NLGN4Y: variants seen among roughly 807,000 people sequenced by gnomAD.
NLGN4Y encodes the protein neuroligin-4, Y-linked.
NLGN4Y carries 4 observed loss-of-function variants against 8.4 expected under a neutral mutation model. That is an observed-to-expected ratio of 0.48 (90% CI 0.23 to 1.09). NLGN4Y has a LOEUF of 1.09. NLGN4Y is among the 50% of genes least tolerant of loss of function. The probability of loss-of-function intolerance (pLI) is 0.19; values close to 1 mark genes in which losing one functional copy is unlikely to be tolerated. For missense variants in NLGN4Y, 90 were observed against 192.3 expected (o/e 0.47, Z 3.15); for synonymous variants, 35 against 75.6 (o/e 0.46, Z 2.78).
intron 4 of NLGN4Y, among the ~76,000 whole-genome samples, chrY:14,759,560 G>A (rs2081074345): frequency 1.2e-4 from 4 of 34,156 alleles, no homozygotes; most frequent in African/African-American, 4.6e-4. Flanking sequence ...CGCCCGCCTC[G>A]GCCTCCCAAA....
chrY:14,755,695 C>A, intron 4 of NLGN4Y, among the ~76,000 whole-genome samples: 4 of 32,611 alleles, frequency 1.2e-4, no homozygotes, highest in Non-Finnish European at 2.2e-4. Context: ...TAAAAATTAG[C>A]CAGGTGTGGT....
chrY:14,759,150 CA>C (rs2081072365), intron 4 of NLGN4Y, among the ~76,000 whole-genome samples: 2 of 33,763 alleles, frequency 5.9e-5, no homozygotes, highest in African/African-American at 2.3e-4. Flanking sequence ...TAAGTTAAAT[CA>C]GCAATATTAT....
At chrY:14,767,003 A>T in intron 4 of NLGN4Y, among the ~76,000 whole-genome samples, 1 of 33,553 alleles carries the variant, frequency 3.0e-5, no homozygotes, top group Non-Finnish European at 7.4e-5. Flanking sequence ...CAGATATTGT[A>T]CAACTATACC....
intron 2 of NLGN4Y, among the ~76,000 whole-genome samples, chrY:14,695,988 C>T (rs2080826484): frequency 3.1e-5 from 1 of 32,604 alleles, no homozygotes; most frequent in African/African-American, 1.2e-4. Context: ...GATTTCAGCT[C>T]ATAGAGGTCC....
intron 4 of NLGN4Y, among the ~76,000 whole-genome samples, chrY:14,807,806 A>G: frequency 2.9e-5 from 1 of 34,157 alleles, no homozygotes; most frequent in Non-Finnish European, 7.3e-5. Context: ...TCACTAATAA[A>G]TGGTATCTAG....
intron 2 of NLGN4Y, among the ~76,000 whole-genome samples, chrY:14,652,753 T>C (rs2080633925): frequency 3.0e-5 from 1 of 33,135 alleles, no homozygotes; most frequent in African/African-American, 1.2e-4. Flanking sequence ...TTTTCTCTTC[T>C]TCCTGCCCTC....
At chrY:14,823,940 T>TATATACCTAAATATA (rs2043133007) in intron 4 of NLGN4Y, among the ~76,000 whole-genome samples, 2 of 33,866 alleles carry the variant, frequency 5.9e-5, no homozygotes, top group African/African-American at 2.3e-4. Context: ...TTAGATTTAT[T>TATATACCTAAATATA]TTGCCTTCTA....
chrY:14,720,354 T>C, intron 3 of NLGN4Y, among the ~76,000 whole-genome samples: 1 of 33,750 alleles, frequency 3.0e-5, no homozygotes, highest in South Asian at 6.6e-4. Flanking sequence ...TGAGCAGTCA[T>C]GCAGAAAACA....
At chrY:14,591,829 A>C in intron 1 of NLGN4Y, among the ~76,000 whole-genome samples, 2 of 33,317 alleles carry the variant, frequency 6.0e-5, no homozygotes, top group Non-Finnish European at 1.5e-4. Flanking sequence ...AAGAACATAA[A>C]ATTTGGGTTG....
intron 2 of NLGN4Y, among the ~76,000 whole-genome samples, chrY:14,702,619 C>T: frequency 3.0e-5 from 1 of 33,268 alleles, no homozygotes; most frequent in Non-Finnish European, 7.4e-5. Flanking sequence ...CCGCAATAAA[C>T]GTACGTGTGC....
At chrY:14,732,640 A>C (rs996716407) in intron 4 of NLGN4Y, among the ~76,000 whole-genome samples, 2 of 34,036 alleles carry the variant, frequency 5.9e-5, no homozygotes, top group Non-Finnish European at 1.5e-4. Flanking sequence ...CTGAAGTTAA[A>C]ATATAATTGA....
intron 1 of NLGN4Y, among the ~76,000 whole-genome samples, chrY:14,542,513 C>T: frequency 3.0e-5 from 1 of 33,414 alleles, no homozygotes; most frequent in African/African-American, 1.2e-4. Context: ...ATACATTCCT[C>T]TCAGCACTTC....
chrY:14,695,416 C>T, intron 2 of NLGN4Y, among the ~76,000 whole-genome samples: 2 of 32,969 alleles, frequency 6.1e-5, no homozygotes, highest in African/African-American at 1.2e-4. Context: ...ATGGCCGATA[C>T]GTTGTGTTTT....
intron 1 of NLGN4Y, among the ~76,000 whole-genome samples, chrY:14,606,814 T>C (rs759964398): frequency 0.072 from 2,324 of 32,236 alleles, no homozygotes; most frequent in Non-Finnish European, 0.12. Context: ...AAAGCATATA[T>C]ATATATACGT....
At chrY:14,558,227 T>C in intron 1 of NLGN4Y, among the ~76,000 whole-genome samples, 1 of 33,314 alleles carries the variant, frequency 3.0e-5, no homozygotes. Flanking sequence ...CTTTAACTCA[T>C]CAGGGCTTCA....
intron 4 of NLGN4Y, among the ~76,000 whole-genome samples, chrY:14,754,656 T>G: frequency 6.0e-5 from 2 of 33,586 alleles, no homozygotes; most frequent in African/African-American, 1.2e-4. Context: ...TTTATTAACT[T>G]TAAGATATGC....
intron 1 of NLGN4Y, among the ~76,000 whole-genome samples, chrY:14,610,465 C>T (rs2150502303): frequency 3.0e-5 from 1 of 33,081 alleles, no homozygotes; most frequent in Admixed American, 2.8e-4. Context: ...CTTATTTACC[C>T]GGTAGTCATT....
intron 2 of NLGN4Y, among the ~76,000 whole-genome samples, chrY:14,696,151 C>G: frequency 6.1e-5 from 2 of 32,858 alleles, no homozygotes; most frequent in Non-Finnish European, 1.5e-4. Flanking sequence ...AAGGCAATAG[C>G]ATCGCATTCC....
chrY:14,611,782 C>G, intron 1 of NLGN4Y, among the ~76,000 whole-genome samples: 1 of 31,277 alleles, frequency 3.2e-5, no homozygotes, highest in Non-Finnish European at 7.7e-5. Context: ...TTGCTCTTCT[C>G]AAGGAGTATC....
Sources: allele counts gnomAD v4.1 joint callset (sites outside exome capture counted in the v4.1 genomes callset), GRCh38; gene constraint gnomAD v4.1.1; transcripts MANE v1.5; gene names NCBI Gene and HGNC (gene_info 2026-07-23, HGNC 2026-07-21).